GRAMD1B: variants seen among roughly 807,000 people sequenced by gnomAD.
GRAMD1B encodes protein Aster-B.
Under a neutral mutation model 99.7 loss-of-function variants are expected in GRAMD1B, and 37 were observed. The ratio of observed to expected loss-of-function variants is 0.37; its 90% confidence interval spans 0.29 to 0.49. GRAMD1B has a LOEUF of 0.49. Ranked by LOEUF, GRAMD1B falls within the 20% of genes least tolerant of loss-of-function variation. The probability of loss-of-function intolerance (pLI) is 0.98; values close to 1 mark genes in which losing one functional copy is unlikely to be tolerated. For missense variants in GRAMD1B, 888 were observed against 1,009.2 expected (o/e 0.88, Z 1.63); for synonymous variants, 427 against 387.6 (o/e 1.10, Z -1.19).
At chr11:123,611,940 T>G (rs1953647252) in intron 14 of GRAMD1B, among the ~76,000 whole-genome samples, 1 of 152,026 alleles carries the variant, frequency 6.6e-6, no homozygotes, top group South Asian at 2.1e-4. Flanking sequence ...GCAGGGCTGC[T>G]GCATAGGAGA....
chr11:123,421,285 T>C (rs565500162), intron 1 of GRAMD1B, among the ~76,000 whole-genome samples: 2 of 152,248 alleles, frequency 1.3e-5, no homozygotes. Flanking sequence ...CTTCTTGCTC[T>C]GTGTGGGCTT....
chr11:123,363,276 C>A (rs948621161), intron 1 of GRAMD1B, among the ~76,000 whole-genome samples: 1 of 152,060 alleles, frequency 6.6e-6, no homozygotes, highest in Non-Finnish European at 1.5e-5. Context: ...AACAAATGAC[C>A]CCGTGATGGC....
chr11:123,525,587 TG>T (rs1942632241), intron 2 of GRAMD1B: 2 of 155,526 alleles, frequency 1.3e-5, no homozygotes, highest in Admixed American at 6.3e-5. Flanking sequence ...TGTCTTTAAA[TG>T]GGCGGAAGTG....
rs1318890682 is a variant in GRAMD1B at position 123,577,412 on chromosome 11, C to T, written c.498C>T (p.Ile166=). ...SNRSTPACSP[I]LRKRSRSPTP... is the part of the protein sequence containing the mutation. The stretch of plus-strand genomic sequence containing the variant: ...GCAGCACGCCGGCCTGCTCGCCCAT[C>T]CTCCGGAAGCGGTCTCGCTCGCCAA... Residue 166 remains isoleucine (I), a synonymous_variant, in exon 3 of 20, where the codon ATC becomes ATT. Coordinates refer to ENST00000635736, the MANE Select transcript of GRAMD1B (RefSeq NM_001387025.1). 1 of 1,598,764 alleles carries T rather than the reference C, an allele frequency of 6.3e-7. No individual in the cohort carries two copies. The highest frequency in any genetic ancestry group is 8.5e-7 in the Non-Finnish European group (1 of 1,173,206).
At chr11:123,439,193 G>A (rs1949298194) in intron 1 of GRAMD1B, among the ~76,000 whole-genome samples, 1 of 152,192 alleles carries the variant, frequency 6.6e-6, no homozygotes, top group Non-Finnish European at 1.5e-5. Flanking sequence ...CCTCTCAGAG[G>A]AGACTTGTTT....
intron 2 of GRAMD1B, among the ~76,000 whole-genome samples, chr11:123,552,628 A>G (rs1217623462): frequency 6.6e-6 from 1 of 152,210 alleles, no homozygotes. Context: ...TTAAAACCCA[A>G]AGATCAAAGG....
At chr11:123,542,272 G>A (rs1033236068) in intron 2 of GRAMD1B, among the ~76,000 whole-genome samples, 6 of 152,244 alleles carry the variant, frequency 3.9e-5, no homozygotes, top group African/African-American at 9.6e-5. Context: ...TGAGGATAAT[G>A]TAAGATAGCA....
intron 2 of GRAMD1B, among the ~76,000 whole-genome samples, chr11:123,541,648 AC>A (rs1329075758): frequency 2.0e-5 from 3 of 151,416 alleles, no homozygotes; most frequent in Admixed American, 2.0e-4. Context: ...TGTTGCAAGT[AC>A]TTTCCCAGAG....
chr11:123,448,789 C>T (rs1453473153), intron 1 of GRAMD1B, among the ~76,000 whole-genome samples: 1 of 152,224 alleles, frequency 6.6e-6, no homozygotes, highest in South Asian at 2.1e-4. Context: ...GCTTCTCTCC[C>T]TCCAAGCAAA....
chr11:123,434,189 C>T (rs1437859655), intron 1 of GRAMD1B, among the ~76,000 whole-genome samples: 1 of 143,570 alleles, frequency 7.0e-6, no homozygotes, highest in Non-Finnish European at 1.5e-5. Context: ...GAGATCTCGC[C>T]ACTGCACTCC....
intron 2 of GRAMD1B, among the ~76,000 whole-genome samples, chr11:123,564,954 TA>T (rs1398152856): frequency 6.6e-6 from 1 of 152,236 alleles, no homozygotes; most frequent in Non-Finnish European, 1.5e-5. Flanking sequence ...GCTTCTGAAA[TA>T]CTTTGGGTGG....
chr11:123,558,759 C>T (rs550029550), intron 2 of GRAMD1B, among the ~76,000 whole-genome samples: 1 of 152,300 alleles, frequency 6.6e-6, no homozygotes, highest in South Asian at 2.1e-4. Flanking sequence ...TGGGATTCCT[C>T]TAGGTAACGG....
chr11:123,414,706 C>T (rs1948168542), intron 1 of GRAMD1B, among the ~76,000 whole-genome samples: 1 of 152,152 alleles, frequency 6.6e-6, no homozygotes, highest in Non-Finnish European at 1.5e-5. Flanking sequence ...GTTTGCTCCC[C>T]AAGGAGAAAG....
intron 1 of GRAMD1B, among the ~76,000 whole-genome samples, chr11:123,367,717 G>T (rs950221303): frequency 1.3e-5 from 2 of 151,620 alleles, no homozygotes; most frequent in African/African-American, 4.9e-5. Flanking sequence ...TAGCAGGAGG[G>T]TAAGAAGAAC....
At chr11:123,594,234 G>A in intron 5 of GRAMD1B, 68 bp downstream of exon 5, 4 of 1,120,674 alleles carry the variant, frequency 3.6e-6, no homozygotes, top group Non-Finnish European at 5.5e-6. Context: ...CACTCAGGGT[G>A]CTTCTCTCTA....
At chr11:123,545,440 C>T (rs962646083) in intron 2 of GRAMD1B, among the ~76,000 whole-genome samples, 2 of 152,176 alleles carry the variant, frequency 1.3e-5, no homozygotes, top group African/African-American at 4.8e-5. Flanking sequence ...ATGTGGGGAC[C>T]TAGTCCATCA....
chr11:123,520,790 A>AG (rs958119826), intron 2 of GRAMD1B, among the ~76,000 whole-genome samples: 5 of 150,244 alleles, frequency 3.3e-5, no homozygotes, highest in Non-Finnish European at 3.0e-5. Flanking sequence ...AAAAAAAAAA[A>AG]AAAGAAAGAA....
chr11:123,488,127 C>T (rs1176640755), intron 2 of GRAMD1B, among the ~76,000 whole-genome samples: 1 of 152,156 alleles, frequency 6.6e-6, no homozygotes, highest in African/African-American at 2.4e-5. Context: ...AAAAGGAGAA[C>T]TCTGATCTCT....
chr11:123,504,369 G>A (rs1191750346), intron 2 of GRAMD1B, among the ~76,000 whole-genome samples: 1 of 152,162 alleles, frequency 6.6e-6, no homozygotes, highest in Non-Finnish European at 1.5e-5. Context: ...AGCTGAGTGT[G>A]CAGTACTAGA....
Sources: allele counts gnomAD v4.1 joint callset (sites outside exome capture counted in the v4.1 genomes callset), GRCh38; gene constraint gnomAD v4.1.1; transcripts MANE v1.5; gene names NCBI Gene and HGNC (gene_info 2026-07-23, HGNC 2026-07-21).